NAAA: variants seen among roughly 807,000 people sequenced by gnomAD.
The protein encoded by NAAA is N-acylethanolamine-hydrolyzing acid amidase.
In NAAA, 39 loss-of-function variants were observed where a neutral mutation model predicts 44.8. That is an observed-to-expected ratio of 0.87 (90% CI 0.67 to 1.14). The LOEUF is 1.14. Ranked by LOEUF, NAAA falls within the 50% of genes most tolerant of loss-of-function variation. NAAA has a pLI of 0.00. For synonymous variants in NAAA, 178 were observed against 191.3 expected, an observed-to-expected ratio of 0.93 and a Z score of 0.58; for missense variants, 460 against 467.8, an observed-to-expected ratio of 0.98 and a Z score of 0.15.
At chr4:75,924,972 G>A (rs903409728) in intron 5 of NAAA, among the ~76,000 whole-genome samples, 1 of 151,198 alleles carries the variant, frequency 6.6e-6, no homozygotes, top group African/African-American at 2.4e-5. Flanking sequence ...CCCTGTCTCT[G>A]TAGGAGGGTA....
intron 9 of NAAA, chr4:75,917,776 TAAA>T (rs34444403): frequency 0.011 from 4,125 of 367,970 alleles, no homozygotes; most frequent in South Asian, 0.017. Flanking sequence ...TGCTTTCACT[TAAA>T]AAAAAAAAAA....
intron 3 of NAAA, chr4:75,934,809 C>G (rs1727570270): frequency 6.6e-6 from 1 of 152,170 alleles, no homozygotes; most frequent in Non-Finnish European, 1.5e-5. Context: ...AAAACTACCT[C>G]TACAGACTAT....
At chr4:75,927,832 T>G (rs1226040479) in intron 4 of NAAA, among the ~76,000 whole-genome samples, 1 of 151,816 alleles carries the variant, frequency 6.6e-6, no homozygotes, top group East Asian at 1.9e-4. Context: ...TAGATATTTC[T>G]CCAAAGAAGA....
Position 75,914,119 on chromosome 4 carries a change from A to C in NAAA, c.*256T>G. The C allele has an allele frequency of 1.0e-6, 1 of 985,678 alleles. No individual in the cohort carries two copies. The highest frequency in any genetic ancestry group is 1.2e-6 in the Non-Finnish European group (1 of 829,958). The allele number at this position is 985,678 out of a possible 1,614,324, so 61.1% of individuals were successfully genotyped here. A position where few individuals can be genotyped will look rare whatever the true frequency, so the allele number is the denominator to read the frequency against. On this transcript the variant is annotated 3_prime_UTR_variant, in exon 11 of 11. Transcript: ENST00000286733. ...TTTGAGTTATTCAGGCCAGGATAGAAGCTTAGAGAGGATCGAGGCAAACCA... is the reference window on the plus strand; with the variant it reads ...TTTGAGTTATTCAGGCCAGGATAGACGCTTAGAGAGGATCGAGGCAAACCA...
At chr4:75,918,641 A>G in intron 9 of NAAA, 120 bp downstream of exon 9, 2 of 1,011,036 alleles carry the variant, frequency 2.0e-6, no homozygotes, top group Non-Finnish European at 3.1e-6. Flanking sequence ...GTGCCCCCAC[A>G]GGAGTGCCCC....
chr4:75,913,270 C>A (rs1725404323), downstream of NAAA, among the ~76,000 whole-genome samples: 1 of 151,820 alleles, frequency 6.6e-6, no homozygotes, highest in Admixed American at 6.6e-5. Flanking sequence ...CACTGTCTAC[C>A]CTCTTTTTAT....
At chr4:75,911,850 C>T (rs115782453), downstream of NAAA, among the ~76,000 whole-genome samples, 4,754 of 152,246 alleles carry the variant, frequency 0.031, 113 homozygotes, top group Non-Finnish European at 0.048. Flanking sequence ...CATAGCCTTC[C>T]ATTAGTTTTA....
intron 5 of NAAA, among the ~76,000 whole-genome samples, chr4:75,922,632 T>C (rs1726280065): frequency 6.6e-6 from 1 of 152,236 alleles, no homozygotes; most frequent in Non-Finnish European, 1.5e-5. Context: ...AAATGGACAA[T>C]GTCCCCTGTA....
At chr4:75,917,664 C>T in intron 9 of NAAA, 1 of 253,532 alleles carries the variant, frequency 3.9e-6, no homozygotes, top group South Asian at 3.9e-5. Flanking sequence ...CGAGGTTTCA[C>T]CATGTTGGCC....
chr4:75,930,863 A>G (rs1242491914), intron 4 of NAAA, among the ~76,000 whole-genome samples: 1 of 151,988 alleles, frequency 6.6e-6, no homozygotes, highest in Non-Finnish European at 1.5e-5. Context: ...ATTACTACCT[A>G]CGGCCTTCAT....
chr4:75,930,061 CT>C (rs1727091190), intron 4 of NAAA, among the ~76,000 whole-genome samples: 1 of 152,100 alleles, frequency 6.6e-6, no homozygotes, highest in African/African-American at 2.4e-5. Context: ...GCACTCTAGC[CT>C]GGGCAACAGG....
chr4:75,915,656 C>T lies in NAAA; in HGVS notation c.999-671G>A, dbSNP rs543325710. Reference sequence around the variant, plus strand: ...GGTACTTGGGCAGACTCCAGGTGGGCAAATGCCCTTGGTCCAGCAGATTCC... The same window carrying T: ...GGTACTTGGGCAGACTCCAGGTGGGTAAATGCCCTTGGTCCAGCAGATTCC... On this transcript the variant is annotated intron_variant, in intron 9 of 10. Transcript: ENST00000286733. Among the ~76,000 whole-genome samples the T allele has an allele frequency of 4.6e-5, 7 of 152,270 alleles. No individual in the cohort carries two copies. In the South Asian group the frequency reaches 1.5e-3, roughly 32 times the overall value.
At chr4:75,923,952 T>G (rs912048344) in intron 5 of NAAA, among the ~76,000 whole-genome samples, 3 of 152,208 alleles carry the variant, frequency 2.0e-5, no homozygotes, top group African/African-American at 7.2e-5. Context: ...AGACAGCTTT[T>G]CATGCCCTAT....
intron 1 of NAAA, 165 bp from the exon 2 acceptor site, chr4:75,940,330 C>T (rs960741954): frequency 1.5e-6 from 1 of 681,076 alleles, no homozygotes; most frequent in Non-Finnish European, 2.4e-6. Context: ...CTGCAGCCTC[C>T]CGGGAGTGGG....
chr4:75,920,609 C>T (rs1578044753), intron 7 of NAAA, 129 bp downstream of exon 7: 7 of 1,133,416 alleles, frequency 6.2e-6, no homozygotes, highest in Non-Finnish European at 7.9e-6. Context: ...AAGGCACTGG[C>T]GAAGGGGCTC....
Position 75,940,882 on chromosome 4 carries a change from G to A in NAAA, c.68C>T (p.Ala23Val). ...PSLLLLLLAG[A>V]GLSAASPPAA... ...TGGGGGCGAGGCGGCTGACAGCCCGGCCCCGGCCAGCAGCAGCAGCAGCAG... is the reference window on the plus strand; with the variant it reads ...TGGGGGCGAGGCGGCTGACAGCCCGACCCCGGCCAGCAGCAGCAGCAGCAG... Residue 23 changes from alanine (A) to valine (V), a missense_variant, in exon 1 of 11, where the codon GCC becomes GTC. Coordinates refer to ENST00000286733, the MANE Select transcript of NAAA (RefSeq NM_014435.4). 1 of 1,557,750 alleles carries A rather than the reference G, an allele frequency of 6.4e-7. No homozygotes were observed. The highest frequency in any genetic ancestry group is 2.5e-5 in the East Asian group (1 of 40,734).
intron 10 of NAAA, 30 bp downstream of exon 10, chr4:75,914,838 C>A (rs924193793): frequency 2.0e-6 from 3 of 1,533,756 alleles, no homozygotes; most frequent in African/African-American, 1.4e-5. Flanking sequence ...ACCCACCTCA[C>A]CCCCTCTCCA....
At chr4:75,916,128 C>CA (rs1725603252) in intron 9 of NAAA, among the ~76,000 whole-genome samples, 1 of 152,246 alleles carries the variant, frequency 6.6e-6, no homozygotes, top group Non-Finnish European at 1.5e-5. Context: ...TGATGAGCCA[C>CA]AGCAGAGGAT....
intron 4 of NAAA, among the ~76,000 whole-genome samples, chr4:75,928,795 T>G (rs199531876): frequency 1.3e-5 from 2 of 148,526 alleles, no homozygotes; most frequent in Admixed American, 6.7e-5. Context: ...TTTTTTTTTT[T>G]CTTTTTTTTT....
Sources: gnomAD v4.1 joint callset for allele counts (sites outside exome capture counted in the v4.1 genomes callset) on GRCh38, gnomAD v4.1.1 for gene constraint, MANE v1.5 for transcripts, NCBI Gene and HGNC (gene_info 2026-07-23, HGNC 2026-07-21) for gene names.